Variants in ANKRD10 observed in about 807,000 individuals in gnomAD.
ANKRD10 encodes the protein ankyrin repeat domain 10, also known as ankyrin repeat domain-containing protein 10.
In ANKRD10, 14 loss-of-function variants were observed where a neutral mutation model predicts 27.0. The ratio of observed to expected loss-of-function variants is 0.52; its 90% CI spans 0.34 to 0.81. ANKRD10 has a LOEUF of 0.81. Among genes scored for constraint, ANKRD10 ranks in the 40% least tolerant of loss-of-function variants. The pLI is 0.01. For synonymous variants in ANKRD10, 250 were observed against 224.5 expected, an observed-to-expected ratio of 1.11 and a Z score of -1.01; for missense variants, 493 against 544.0, an observed-to-expected ratio of 0.91 and a Z score of 0.93.
intron 3 of ANKRD10, among the ~76,000 whole-genome samples, chr13:110,898,567 G>GT (rs1217380499): frequency 6.6e-6 from 1 of 151,684 alleles, no homozygotes; most frequent in Non-Finnish European, 1.5e-5. Context: ...CAATCCACAG[G>GT]TTTTTTTGTC....
At chr13:110,895,573 C>G (rs1340497744) in intron 3 of ANKRD10, among the ~76,000 whole-genome samples, 1 of 152,084 alleles carries the variant, frequency 6.6e-6, no homozygotes, top group Non-Finnish European at 1.5e-5. Flanking sequence ...GGCAACAGAG[C>G]AAGATTCTAT....
rs1379544010 is a variant in ANKRD10, at chr13:110,915,036, G to A, written c.-102C>T. On this transcript the variant is annotated 5_prime_UTR_variant, in exon 1 of 6. Transcript: ENST00000267339. Reference sequence around the variant, plus strand: ...CACAAAGGAACGAGACTAGCGCCGCGGTCGCGTCCCACAGGCTGCCGAGCG... The same window carrying A: ...CACAAAGGAACGAGACTAGCGCCGCAGTCGCGTCCCACAGGCTGCCGAGCG... 4.9e-6 allele frequency: 7 copies of A among 1,438,946 alleles called. No homozygotes were observed. Among genetic ancestry groups the A allele is most frequent in the Non-Finnish European group, 6.4e-6 (7 of 1,101,322 alleles). The allele number at this position is 1,438,946 out of a possible 1,614,324, so 89.1% of individuals were successfully genotyped here. A position where few individuals can be genotyped will look rare whatever the true frequency, so the allele number is the denominator to read the frequency against.
chr13:110,903,242 C>T (rs1030192108), intron 3 of ANKRD10, among the ~76,000 whole-genome samples: 79 of 152,148 alleles, frequency 5.2e-4, no homozygotes, highest in African/African-American at 1.8e-3. Flanking sequence ...GACAACTTCA[C>T]GTGCTTGCTG....
chr13:110,886,542 T>C (rs1461959115), intron 4 of ANKRD10, among the ~76,000 whole-genome samples: 2 of 152,222 alleles, frequency 1.3e-5, no homozygotes, highest in Non-Finnish European at 2.9e-5. Context: ...CATAAGTTAA[T>C]TGGCTGGTAG....
At chr13:110,913,631 A>C (rs1566503122) in intron 1 of ANKRD10, among the ~76,000 whole-genome samples, 1 of 152,330 alleles carries the variant, frequency 6.6e-6, no homozygotes, top group Non-Finnish European at 1.5e-5. Context: ...CAGGGGCAGC[A>C]AGGTAAACCG....
At position 110,883,721 on chromosome 13, in the gene ANKRD10, T is replaced by C; in HGVS notation, c.764A>G (p.Asp255Gly). 15 of 1,614,218 alleles carry C rather than the reference T, an allele frequency of 9.3e-6. No individual in the cohort carries two copies. The highest frequency in any genetic ancestry group is 1.3e-5 in the Non-Finnish European group (15 of 1,180,026). The change falls in exon 5 of 6, where the codon GAT (aspartate) becomes GGT (glycine). Residue 255 changes from aspartate (D) to glycine (G), a missense_variant. Coordinates refer to ENST00000267339, the MANE Select transcript of ANKRD10 (RefSeq NM_017664.4). Reference sequence around the variant, plus strand: ...ACCTGTTACAACAGCAAACTCCCTATCAACGTGCATTTTGTCAGCATCGTC... The same window carrying C: ...ACCTGTTACAACAGCAAACTCCCTACCAACGTGCATTTTGTCAGCATCGTC... Reference protein sequence around the residue: ...TEDDADKMHVDREFAVVTDMK... With the variant: ...TEDDADKMHVGREFAVVTDMK...
chr13:110,878,777 TTC>T lies in ANKRD10; in HGVS notation c.*858_*859del, dbSNP rs2064757688. On this transcript the variant is annotated 3_prime_UTR_variant, in exon 6 of 6. Transcript: ENST00000267339. Reference sequence around the variant, plus strand: ...TGCAGTTTTATTAAGAGAGTCAAAATTCTCTCAGTTAACTGGATATACATAGT... The same window carrying T: ...TGCAGTTTTATTAAGAGAGTCAAAATTCTCAGTTAACTGGATATACATAGT... 6.6e-6 allele frequency: 1 copy of T among 152,620 alleles called. No individual in the cohort carries two copies. Among genetic ancestry groups the T allele is most frequent in the South Asian group, 2.1e-4 (1 of 4,834 alleles). The allele number at this position is 152,620 out of a possible 1,614,324, so 9.5% of individuals were successfully genotyped here. A position where few individuals can be genotyped will look rare whatever the true frequency, so the allele number is the denominator to read the frequency against.
intron 4 of ANKRD10, among the ~76,000 whole-genome samples, chr13:110,891,779 CAT>C (rs1460147393): frequency 6.6e-6 from 1 of 151,656 alleles, no homozygotes; most frequent in Non-Finnish European, 1.5e-5. Context: ...AATCTGAGCT[CAT>C]AATCTGCTTC....
chr13:110,896,913 T>C (rs1471167262), intron 3 of ANKRD10, among the ~76,000 whole-genome samples: 2 of 152,222 alleles, frequency 1.3e-5, no homozygotes, highest in East Asian at 3.8e-4. Flanking sequence ...TTTAACCAAA[T>C]AGATGATACT....
At chr13:110,911,455 C>T (rs978178738) in intron 1 of ANKRD10, among the ~76,000 whole-genome samples, 3 of 142,608 alleles carry the variant, frequency 2.1e-5, no homozygotes, top group African/African-American at 7.9e-5. Flanking sequence ...CCATCTCAAA[C>T]ACCAACACCA....
At chr13:110,881,048 G>A (rs909210898) in intron 5 of ANKRD10, among the ~76,000 whole-genome samples, 2 of 152,086 alleles carry the variant, frequency 1.3e-5, no homozygotes, top group African/African-American at 2.4e-5. Context: ...TGGAACATCT[G>A]GGTACACCAG....
chr13:110,880,016 A>G lies in ANKRD10; in HGVS notation c.884T>C (p.Met295Thr), dbSNP rs2064781538. 6.8e-6 allele frequency: 11 copies of G among 1,614,178 alleles called. No homozygotes were observed. Among genetic ancestry groups the G allele is most frequent in the Admixed American group, 1.7e-5 (1 of 60,026 alleles). Residue 295 changes from methionine (M) to threonine (T), a missense_variant, in exon 6 of 6, where the codon ATG (methionine) becomes ACG (threonine). Physicochemically the swap from Met to Thr is moderately conservative, Grantham distance 81. Transcript: ENST00000267339. ...DFPSTTPLSGMESRNGQCLTG... is the reference protein window; with the variant it reads ...DFPSTTPLSGTESRNGQCLTG... The stretch of plus-strand genomic sequence containing the variant: ...CAAGCACTGGCCATTCCTGCTTTCC[A>G]TCCCACTGAGCGGGGTCGTGGAGGG...
chr13:110,900,975 A>AT (rs2065365889), intron 3 of ANKRD10, among the ~76,000 whole-genome samples: 1 of 152,222 alleles, frequency 6.6e-6, no homozygotes, highest in African/African-American at 2.4e-5. Flanking sequence ...ATATGTCAAT[A>AT]TTTCAACATA....
rs1257363257 is a variant in ANKRD10, at chr13:110,878,966, A to AAGT, written c.*668_*670dup. 6.6e-6 allele frequency: 1 copy of AAGT among 152,396 alleles called. No individual in the cohort carries two copies. Among genetic ancestry groups the AAGT allele is most frequent in the Non-Finnish European group, 1.5e-5 (1 of 68,150 alleles). 9.4% of individuals were successfully genotyped at this position (152,396 alleles called of 1,614,324 possible). ...ACATGTGGTAAAACTTCCAGAGACCAAGTAGGAAGTGTGGAATAAAAACAA... is the reference window on the plus strand; with the variant it reads ...ACATGTGGTAAAACTTCCAGAGACCAAGTAGTAGGAAGTGTGGAATAAAAACAA... On this transcript the variant is annotated 3_prime_UTR_variant, in exon 6 of 6. Coordinates refer to ENST00000267339, the MANE Select transcript of ANKRD10 (RefSeq NM_017664.4).
chr13:110,891,401 ATCT>A (rs1384639416), intron 4 of ANKRD10, among the ~76,000 whole-genome samples: 2 of 152,372 alleles, frequency 1.3e-5, no homozygotes, highest in East Asian at 3.9e-4. Context: ...TTTTATGCAG[ATCT>A]TCATGTCATG....
intron 3 of ANKRD10, among the ~76,000 whole-genome samples, chr13:110,897,208 C>T (rs1285031300): frequency 6.6e-6 from 1 of 151,822 alleles, no homozygotes; most frequent in Non-Finnish European, 1.5e-5. Flanking sequence ...TTCACCACAC[C>T]CTGGAACTCC....
intron 3 of ANKRD10, among the ~76,000 whole-genome samples, chr13:110,897,264 T>A (rs913065400): frequency 1.3e-5 from 2 of 150,368 alleles, no homozygotes; most frequent in South Asian, 4.3e-4. Flanking sequence ...AGTAGCTAGG[T>A]ATACAGGCAT....
intron 4 of ANKRD10, among the ~76,000 whole-genome samples, chr13:110,885,943 G>A (rs548667136): frequency 6.6e-6 from 1 of 152,368 alleles, no homozygotes; most frequent in East Asian, 1.9e-4. Flanking sequence ...TGGGGTGTTT[G>A]TCTTCTCCTT....
At chr13:110,883,558 C>T in intron 5 of ANKRD10, 140 bp downstream of exon 5, 6 of 1,402,948 alleles carry the variant, frequency 4.3e-6, no homozygotes, top group Non-Finnish European at 5.6e-6. Flanking sequence ...CATACTGATT[C>T]CTGCAACGAC....
Sources: allele counts gnomAD v4.1 joint callset (sites outside exome capture counted in the v4.1 genomes callset), GRCh38; gene constraint gnomAD v4.1.1; transcripts MANE v1.5; gene names NCBI Gene and HGNC (gene_info 2026-07-23, HGNC 2026-07-21).